The following HSD11B1 variants were observed in gnomAD, a reference collection of about 807,000 sequenced individuals.
HSD11B1 encodes the protein 11-beta-hydroxysteroid dehydrogenase 1.
HSD11B1 carries 15 observed loss-of-function variants against 22.1 expected under a neutral mutation model. The ratio of observed to expected loss-of-function variants is 0.68; its 90% CI spans 0.45 to 1.04. HSD11B1 has a LOEUF of 1.04. HSD11B1 is among the 50% of genes least tolerant of loss of function. The probability of loss-of-function intolerance (pLI) is 0.00; values close to 1 mark genes in which losing one functional copy is unlikely to be tolerated. For synonymous variants in HSD11B1, 122 were observed against 125.2 expected, an observed-to-expected ratio of 0.97 and a Z score of 0.17; for missense variants, 281 against 357.6, an observed-to-expected ratio of 0.79 and a Z score of 1.73.
intron 1 of HSD11B1, among the ~76,000 whole-genome samples, chr1:209,692,563 A>C (rs945407762): frequency 7.3e-6 from 1 of 137,310 alleles, no homozygotes; most frequent in African/African-American, 2.7e-5. Flanking sequence ...ATGATGGCAA[A>C]TGAAAAAACC....
chr1:209,694,528 G>A lies in HSD11B1; in HGVS notation c.-49+8243G>A, dbSNP rs541048870. Among the ~76,000 whole-genome samples the A allele has an allele frequency of 9.8e-5, 15 of 152,350 alleles. No individual in the cohort carries two copies. The South Asian group carries it at 2.7e-3, about 27-fold the overall frequency. ...GAATGATAAGGAATTGGGGCAAGGG[G>A]AGGTTCCTGGGGAAGAATTTCAAAA... On this transcript the variant is annotated intron_variant, in intron 1 of 6. Transcript: ENST00000261465.
At chr1:209,720,393 C>T (rs1011278691) in intron 4 of HSD11B1, among the ~76,000 whole-genome samples, 5 of 152,140 alleles carry the variant, frequency 3.3e-5, no homozygotes, top group East Asian at 1.9e-4. Flanking sequence ...ATCAATAGCG[C>T]GCTGGTAAAT....
Position 209,710,131 on chromosome 1 carries a change from G to A in HSD11B1, c.517+3003G>A, listed in dbSNP as rs565939522. Among the ~76,000 whole-genome samples the A allele has an allele frequency of 6.6e-5, 10 of 152,268 alleles. No homozygotes were observed. In the South Asian group the frequency reaches 1.9e-3, roughly 28 times the overall value. ...AACCAAAGTAGAAATATTAATACTTGAATATGACTAAAAAAAATCACTGGA... is the reference window on the plus strand; with the variant it reads ...AACCAAAGTAGAAATATTAATACTTAAATATGACTAAAAAAAATCACTGGA... On this transcript the variant is annotated intron_variant, in intron 4 of 5. Coordinates refer to ENST00000367027, the MANE Select transcript of HSD11B1 (RefSeq NM_005525.4).
chr1:209,710,931 C>T (rs770058189), intron 4 of HSD11B1, among the ~76,000 whole-genome samples: 8 of 152,302 alleles, frequency 5.3e-5, no homozygotes, highest in Non-Finnish European at 7.4e-5. Flanking sequence ...TTTACTCATT[C>T]GCAGCATTGT....
upstream of HSD11B1, chr1:209,704,796 A>T: frequency 1.5e-6 from 1 of 650,170 alleles, no homozygotes; most frequent in Non-Finnish European, 2.8e-6. Context: ...TGACAGGGAA[A>T]TTGGCTAGCA....
intron 4 of HSD11B1, among the ~76,000 whole-genome samples, chr1:209,721,401 A>G (rs2076965581): frequency 6.6e-6 from 1 of 151,132 alleles, no homozygotes; most frequent in Admixed American, 6.6e-5. Flanking sequence ...ATGGCTCAGC[A>G]GAAAAAAAAA....
Position 209,734,524 on chromosome 1 carries a change from A to T in HSD11B1, c.*3A>T. The T allele has an allele frequency of 1.2e-6, 2 of 1,605,666 alleles. No homozygotes were observed. The highest frequency in any genetic ancestry group is 1.7e-6 in the Non-Finnish European group (2 of 1,173,146). On this transcript the variant is annotated 3_prime_UTR_variant, in exon 6 of 6. Transcript: ENST00000367027. ...TGGACAGATTCATAAACAAGTAGGA[A>T]CTCCCTGAGGGCTGGGCATGCTGAG...
chr1:209,691,577 GA>G (rs750162414), intron 1 of HSD11B1, among the ~76,000 whole-genome samples: 8 of 152,200 alleles, frequency 5.3e-5, no homozygotes, highest in Non-Finnish European at 1.0e-4. Context: ...CAGAGGGTTT[GA>G]AGGACCTGTA....
chr1:209,690,992 C>T (rs1468477244), intron 1 of HSD11B1, among the ~76,000 whole-genome samples: 3 of 151,984 alleles, frequency 2.0e-5, no homozygotes, highest in Non-Finnish European at 4.4e-5. Context: ...CACAATGAAC[C>T]ACAAAAACAA....
chr1:209,700,571 G>T (rs2076820672), upstream of HSD11B1, among the ~76,000 whole-genome samples: 1 of 152,200 alleles, frequency 6.6e-6, no homozygotes, highest in Admixed American at 6.5e-5. Context: ...ACATGGCCTG[G>T]AGACATTTTC....
chr1:209,716,751 C>T (rs1362335403), intron 4 of HSD11B1, among the ~76,000 whole-genome samples: 6 of 152,048 alleles, frequency 3.9e-5, no homozygotes, highest in Non-Finnish European at 7.4e-5. Flanking sequence ...AGAAATAAAC[C>T]GATGTATTCA....
At position 209,718,583 on chromosome 1, in the gene HSD11B1, T is replaced by C. The variant is rs371667440; in HGVS notation, c.517+11455T>C. Among the ~76,000 whole-genome samples the C allele has an allele frequency of 5.3e-4, 81 of 152,150 alleles. 2 individuals carry two copies. In the South Asian group the frequency reaches 0.017, roughly 32 times the overall value. On this transcript the variant is annotated intron_variant, in intron 4 of 5. Coordinates refer to ENST00000367027, the MANE Select transcript of HSD11B1 (RefSeq NM_005525.4). Reference sequence around the variant, plus strand: ...CCCCAAAAAACAGAAATAGCAAGTATTGGTGAGAATGTGGGGAAATTGGAA... The same window carrying C: ...CCCCAAAAAACAGAAATAGCAAGTACTGGTGAGAATGTGGGGAAATTGGAA...
chr1:209,705,402 A>G (rs1009919155), intron 1 of HSD11B1, among the ~76,000 whole-genome samples: 1 of 148,170 alleles, frequency 6.7e-6, no homozygotes, highest in East Asian at 2.0e-4. Context: ...ACTGGAGATG[A>G]TGACTACATA....
upstream of HSD11B1, among the ~76,000 whole-genome samples, chr1:209,700,981 T>C (rs1319946604): frequency 6.6e-6 from 1 of 152,230 alleles, no homozygotes; most frequent in African/African-American, 2.4e-5. Flanking sequence ...ACTATCAGCA[T>C]TTTTGTCAAA....
chr1:209,721,198 C>A (rs1466901943), intron 4 of HSD11B1, among the ~76,000 whole-genome samples: 8 of 152,160 alleles, frequency 5.3e-5, no homozygotes, highest in African/African-American at 1.9e-4. Flanking sequence ...GAATAAATTT[C>A]TGTTGTCTTA....
chr1:209,696,904 G>T (rs1229511958), intron 1 of HSD11B1, among the ~76,000 whole-genome samples: 1 of 152,238 alleles, frequency 6.6e-6, no homozygotes, highest in East Asian at 1.9e-4. Context: ...GGCAGGAAGA[G>T]TGAAGTGCTG....
chr1:209,699,723 A>G (rs997479536), intron 1 of HSD11B1, among the ~76,000 whole-genome samples: 12 of 152,208 alleles, frequency 7.9e-5, no homozygotes, highest in Non-Finnish European at 1.8e-4. Context: ...TAAAAGTCTC[A>G]TCGGAGACAA....
chr1:209,728,963 T>G (rs1292308427), intron 4 of HSD11B1, among the ~76,000 whole-genome samples: 2 of 152,194 alleles, frequency 1.3e-5, no homozygotes, highest in Non-Finnish European at 2.9e-5. Flanking sequence ...TGATGTCAGC[T>G]TTCTTTTGGC....
At chr1:209,712,145 T>G (rs1407875995) in intron 4 of HSD11B1, among the ~76,000 whole-genome samples, 3 of 152,086 alleles carry the variant, frequency 2.0e-5, no homozygotes, top group African/African-American at 7.2e-5. Flanking sequence ...AAAACACAAA[T>G]AGAAAACTAG....
Sources: allele counts gnomAD v4.1 joint callset (sites outside exome capture counted in the v4.1 genomes callset), GRCh38; gene constraint gnomAD v4.1.1; transcripts MANE v1.5; gene names NCBI Gene and HGNC (gene_info 2026-07-23, HGNC 2026-07-21).